Variants in CGREF1 observed in about 807,000 individuals in gnomAD.
CGREF1 encodes cell growth regulator with EF-hand domain 1.
A neutral mutation model predicts 17.4 loss-of-function variants in CGREF1; 16 were observed. The ratio of observed to expected loss-of-function variants is 0.92; its 90% CI spans 0.62 to 1.40. The LOEUF (loss-of-function observed/expected upper bound fraction) is 1.40, where lower values mean the gene tolerates loss of function less well. Among genes scored for constraint, CGREF1 ranks in the 40% most tolerant of loss-of-function variants. The pLI is 0.00. For missense variants in CGREF1, 296 were observed against 376.4 expected (o/e 0.79, Z 1.77); for synonymous variants, 142 against 154.6 (o/e 0.92, Z 0.61).
rs1420018721 is a variant in CGREF1 at position 27,118,830 on chromosome 2, G to A, written c.-12+16C>T. 2.0e-5 allele frequency: 3 copies of A among 152,130 alleles called. No individual in the cohort carries two copies. The South Asian group carries it at 6.2e-4, about 31-fold the overall frequency. The allele number at this position is 152,130 out of a possible 1,614,324, so 9.4% of individuals were successfully genotyped here. A position where few individuals can be genotyped will look rare whatever the true frequency, so the allele number is the denominator to read the frequency against. Reference sequence around the variant, plus strand: ...GGGCTCGGGTCTCCGGCCGGCCGGGGCGGGGTGTCACCCACCTGCTGCGGC... The same window carrying A: ...GGGCTCGGGTCTCCGGCCGGCCGGGACGGGGTGTCACCCACCTGCTGCGGC... On this transcript the variant is annotated intron_variant, in intron 1 of 5. Coordinates refer to ENST00000402394, the MANE Select transcript of CGREF1 (RefSeq NM_006569.6).
chr2:27,116,902 TCTCTCTCTCTCTCTCTCTC>T (rs1558466886), intron 1 of CGREF1, among the ~76,000 whole-genome samples: 2 of 134,072 alleles, frequency 1.5e-5, no homozygotes, highest in African/African-American at 2.9e-5. Context: ...TCTCTCTCTC[TCTCTCTCTCTCTCTCTCTC>T]TCTTTTTTTG....
In CGREF1 at chr2:27,104,147, G is replaced by A. The variant is rs1052529682; in HGVS notation, c.80+140C>T. On this transcript the variant is annotated intron_variant, in intron 2 of 5. Coordinates refer to ENST00000402394, the MANE Select transcript of CGREF1 (RefSeq NM_006569.6). ...TGGCACTCTGACAGGCACAAGATGG[G>A]AGGCTGATGGCAGGGAGATACAGAG... is the stretch of plus-strand genomic sequence containing the variant. 3.7e-5 allele frequency: 30 copies of A among 821,778 alleles called. No individual in the cohort carries two copies. The African/African-American group carries it at 4.7e-4, about 13-fold the overall frequency. The allele number at this position is 821,778 out of a possible 1,614,324, so 50.9% of individuals were successfully genotyped here.
At position 27,102,113 on chromosome 2, in the gene CGREF1, G is replaced by A. The variant is rs1670901868; in HGVS notation, c.326C>T (p.Ser109Phe). Residue 109 changes from serine (S) to phenylalanine (F), a missense_variant, in exon 5 of 6, where the codon TCT (serine) becomes TTT (phenylalanine). This residue lies in a region of CGREF1 where 247 missense variants were observed against 267.2 expected (regional missense o/e 0.92). Transcript: ENST00000402394. Reference protein sequence around the residue: ...TAALAPGAANSPTTNPVILIV... With the variant: ...TAALAPGAANFPTTNPVILIV... ...AGAGCTTACCGGGTTGGTGGTAGGAGAGTTGGCAGCTCCAGGGGCCAGAGC... is the reference window on the plus strand; with the variant it reads ...AGAGCTTACCGGGTTGGTGGTAGGAAAGTTGGCAGCTCCAGGGGCCAGAGC... The A allele has an allele frequency of 6.2e-7, 1 of 1,607,208 alleles. No individual in the cohort carries two copies.
chr2:27,104,700 G>A (rs777378228), intron 1 of CGREF1: 49 of 1,549,462 alleles, frequency 3.2e-5, no homozygotes, highest in Middle Eastern at 3.3e-4. Flanking sequence ...GAAGTACAGC[G>A]CAAGCATATC....
chr2:27,104,360 G>A lies in CGREF1; in HGVS notation c.7C>T (p.Pro3Ser). 1 of 1,612,668 alleles carries A rather than the reference G, an allele frequency of 6.2e-7. No individual in the cohort carries two copies. Among genetic ancestry groups the A allele is most frequent in the East Asian group, 2.2e-5 (1 of 44,868 alleles). ML[P>S]LTMTVLILLL... ...AGGATTAACACTGTCATCGTCAAAGGTAACATCCTTCCTGGAACTGGAACA... is the reference window on the plus strand; with the variant it reads ...AGGATTAACACTGTCATCGTCAAAGATAACATCCTTCCTGGAACTGGAACA... Residue 3 changes from proline (P) to serine (S), a missense_variant, in exon 2 of 6, where the codon CCT becomes TCT. This residue lies in a region of CGREF1 where 247 missense variants were observed against 267.2 expected (regional missense o/e 0.92). Transcript: ENST00000402394.
rs991730100 is a variant in CGREF1 at position 27,100,727 on chromosome 2, CAT to C, written c.*545_*546del. On this transcript the variant is annotated 3_prime_UTR_variant, in exon 6 of 6. Transcript: ENST00000402394. The stretch of plus-strand genomic sequence containing the variant: ...TACAGAATTATTGTGAGGATAAAAT[CAT>C]ATATAAAATGCCCAGCATGATGCCT... 31 of 1,134,338 alleles carry C rather than the reference CAT, an allele frequency of 2.7e-5. No individual in the cohort carries two copies. In the African/African-American group the frequency reaches 4.4e-4, roughly 16 times the overall value. The allele number at this position is 1,134,338 out of a possible 1,614,324, so 70.3% of individuals were successfully genotyped here. A position where few individuals can be genotyped will look rare whatever the true frequency, so the allele number is the denominator to read the frequency against.
At chr2:27,104,221 A>G in intron 2 of CGREF1, 66 bp downstream of exon 2, 1 of 1,484,008 alleles carries the variant, frequency 6.7e-7, no homozygotes, top group Non-Finnish European at 9.0e-7. Context: ...GGCCCACCAC[A>G]CCCTTGGATT....
At chr2:27,105,202 G>A (rs936941911) in intron 1 of CGREF1, among the ~76,000 whole-genome samples, 5 of 152,168 alleles carry the variant, frequency 3.3e-5, no homozygotes, top group African/African-American at 1.2e-4. Context: ...CCAAAGCCAA[G>A]GCATGAGACC....
At chr2:27,113,209 G>C (rs1296869439) in intron 1 of CGREF1, among the ~76,000 whole-genome samples, 1 of 152,162 alleles carries the variant, frequency 6.6e-6, no homozygotes, top group African/African-American at 2.4e-5. Flanking sequence ...TAAGGTGGAA[G>C]GAGGGGTGCC....
intron 1 of CGREF1, chr2:27,110,776 C>G (rs1055940534): frequency 6.5e-6 from 1 of 154,220 alleles, no homozygotes; most frequent in African/African-American, 2.4e-5. Flanking sequence ...CTAAAGGCGG[C>G]GTGTCTGGAG....
chr2:27,104,839 CTGTT>C, intron 1 of CGREF1: 5 of 1,424,990 alleles, frequency 3.5e-6, no homozygotes, highest in Non-Finnish European at 3.7e-6. Flanking sequence ...GAGAAATGGA[CTGTT>C]TGTGTTTATT....
chr2:27,113,223 TG>T (rs1355368481), intron 1 of CGREF1, among the ~76,000 whole-genome samples: 3 of 152,110 alleles, frequency 2.0e-5, no homozygotes, highest in Non-Finnish European at 4.4e-5. Context: ...GGGTGCCTAA[TG>T]GCTGAGAGAG....
rs1303852601 is a variant in CGREF1, at chr2:27,102,428, A to C, written c.149T>G (p.Leu50Arg). ...TAGTCCCTTTAGGTAGCTCTGCAGA[A>C]GTCTGTCAGAAAAGTGGAGAATCAG... ...PFQPGQEQLG[L>R]LQSYLKGLGR... Residue 50 changes from leucine (L) to arginine (R), a missense_variant and splice_region_variant, in exon 4 of 6, where the codon CTT (leucine) becomes CGT (arginine). Physicochemically the swap from Leu to Arg is moderately radical, Grantham distance 102. Around this residue, in one of 3 missense-constraint regions of CGREF1, gnomAD observed 247 missense variants for 267.2 expected, o/e 0.92. Coordinates refer to ENST00000402394, the MANE Select transcript of CGREF1 (RefSeq NM_006569.6). The C allele has an allele frequency of 6.2e-7, 1 of 1,614,076 alleles. No individual in the cohort carries two copies. Among genetic ancestry groups the C allele is most frequent in the Admixed American group, 1.7e-5 (1 of 60,000 alleles).
At chr2:27,106,432 G>A (rs749193061) in intron 1 of CGREF1, among the ~76,000 whole-genome samples, 91 of 152,182 alleles carry the variant, frequency 6.0e-4, no homozygotes, top group Non-Finnish European at 1.1e-3. Context: ...GAGACTAACA[G>A]GAGATTCCCT....
chr2:27,113,325 C>T (rs1218721427), intron 1 of CGREF1, among the ~76,000 whole-genome samples: 1 of 152,040 alleles, frequency 6.6e-6, no homozygotes, highest in African/African-American at 2.4e-5. Context: ...TGCCACATGA[C>T]AAAGACCAGA....
At chr2:27,102,310 C>A in intron 4 of CGREF1, 50 bp downstream of exon 4, 1 of 1,612,898 alleles carries the variant, frequency 6.2e-7, no homozygotes, top group Non-Finnish European at 8.5e-7. Flanking sequence ...AGTCCCAGAT[C>A]TGGCTGCCCA....
chr2:27,104,785 C>T (rs578155722), intron 1 of CGREF1: 110 of 1,464,102 alleles, frequency 7.5e-5, no homozygotes, highest in South Asian at 3.9e-4. Flanking sequence ...AGGTAAGAAA[C>T]GCAGGGAGTC....
chr2:27,100,184 G>GC (rs1670725300), downstream of CGREF1: 1 of 457,554 alleles, frequency 2.2e-6, no homozygotes, highest in East Asian at 4.6e-5. Flanking sequence ...CAGTGAACCT[G>GC]CCAAAGAAAC....
chr2:27,111,575 T>C (rs1378141581), intron 1 of CGREF1, among the ~76,000 whole-genome samples: 1 of 152,102 alleles, frequency 6.6e-6, no homozygotes, highest in Non-Finnish European at 1.5e-5. Flanking sequence ...GTGGCGCTCG[T>C]TGGGAGGCTT....
Sources: allele counts gnomAD v4.1 joint callset (sites outside exome capture counted in the v4.1 genomes callset), GRCh38; gene constraint gnomAD v4.1.1; regional missense constraint gnomAD v4.1.1; transcripts MANE v1.5; gene names NCBI Gene and HGNC (gene_info 2026-07-23, HGNC 2026-07-21).